The following SETBP1 variants were observed in gnomAD, a reference collection of about 807,000 sequenced individuals.
SETBP1 encodes SET binding protein 1, also known as SET-binding protein.
Under a neutral mutation model 101.0 loss-of-function variants are expected in SETBP1, and 9 were observed. That is an observed-to-expected ratio of 0.09 (90% CI 0.05 to 0.16). SETBP1 has a LOEUF of 0.16. Among genes scored for constraint, SETBP1 ranks in the 10% least tolerant of loss-of-function variants. The probability of loss-of-function intolerance (pLI) is 1.00; values close to 1 mark genes in which losing one functional copy is unlikely to be tolerated. For synonymous variants in SETBP1, 818 were observed against 788.5 expected (o/e 1.04, Z -0.63); for missense variants, 1,858 against 2,033.8 (o/e 0.91, Z 1.66).
intron 4 of SETBP1, among the ~76,000 whole-genome samples, chr18:45,011,571 A>T (rs1480533267): frequency 6.6e-6 from 1 of 152,226 alleles, no homozygotes; most frequent in Admixed American, 6.5e-5. Context: ...CTTGATTTAC[A>T]CACAGGTGTA....
chr18:44,898,326 G>A lies in SETBP1; in HGVS notation c.540+29043G>A, dbSNP rs917072251. 7.9e-5 allele frequency among the ~76,000 whole-genome samples: 12 copies of A among 152,268 alleles called. No homozygotes were observed. In the East Asian group the frequency reaches 2.3e-3, roughly 29 times the overall value. ...TGTACATTGAGGATGTGAATGGCTA[G>A]CCACGTCTCAATTTATGGTACATAG... On this transcript the variant is annotated intron_variant, in intron 3 of 5. Transcript: ENST00000649279.
chr18:44,717,981 G>C (rs1351570244), intron 2 of SETBP1, among the ~76,000 whole-genome samples: 3 of 152,114 alleles, frequency 2.0e-5, no homozygotes, highest in Non-Finnish European at 4.4e-5. Context: ...GTTCATAATA[G>C]TGTGGATTAT....
At chr18:44,996,677 A>C (rs1218165883) in intron 4 of SETBP1, among the ~76,000 whole-genome samples, 1 of 152,206 alleles carries the variant, frequency 6.6e-6, no homozygotes, top group Non-Finnish European at 1.5e-5. Flanking sequence ...AGCAGTAGGT[A>C]CTAGCATTTC....
chr18:44,723,515 A>G (rs1568110158), intron 2 of SETBP1, among the ~76,000 whole-genome samples: 1 of 152,200 alleles, frequency 6.6e-6, no homozygotes, highest in Non-Finnish European at 1.5e-5. Context: ...GGGAAAAAAA[A>G]CAACACCCTT....
intron 2 of SETBP1, among the ~76,000 whole-genome samples, chr18:44,868,685 AGAGAG>A (rs1238417558): frequency 2.3e-5 from 3 of 133,268 alleles, no homozygotes; most frequent in Non-Finnish European, 4.9e-5. Context: ...AGAGAGAGAG[AGAGAG>A]AGAGAGAGGA....
intron 4 of SETBP1, among the ~76,000 whole-genome samples, chr18:44,971,624 C>A (rs2071861876): frequency 6.6e-6 from 1 of 152,186 alleles, no homozygotes; most frequent in Non-Finnish European, 1.5e-5. Context: ...CTCTGATGAC[C>A]AGTGATGACG....
At position 45,041,797 on chromosome 18, in the gene SETBP1, A is replaced by T. The variant is rs77508520; in HGVS notation, c.4171+3142A>T. Among the ~76,000 whole-genome samples the T allele has an allele frequency of 1.8e-4, 28 of 152,122 alleles. No homozygotes were observed. In the East Asian group the frequency reaches 5.3e-3, roughly 29 times the overall value. ...GCCAACATGGTGAAACCTCTACTAA[A>T]AATACAAAAATTAACCAGGTGTGGT... On this transcript the variant is annotated intron_variant, in intron 5 of 5. Transcript: ENST00000649279.
rs2071406565 is a variant in SETBP1, at chr18:44,953,233, G to A, written c.3893G>A (p.Ser1298Asn). The change falls in exon 4 of 6, where the codon AGT becomes AAT. Residue 1298 changes from serine (S) to asparagine (N), a missense_variant. Transcript: ENST00000649279. ...AAGTGGGACAGTGACGTGAGTGGGAGTAAAAGGAGGAGCTATGAAGGCTTT... is the reference window on the plus strand; with the variant it reads ...AAGTGGGACAGTGACGTGAGTGGGAATAAAAGGAGGAGCTATGAAGGCTTT... ...NDKWDSDVSG[S>N]KRRSYEGFGT... is the part of the protein sequence containing the mutation. 6.2e-7 allele frequency: 1 copy of A among 1,614,150 alleles called. No individual in the cohort carries two copies. The highest frequency in any genetic ancestry group is 2.2e-5 in the East Asian group (1 of 44,882).
intron 4 of SETBP1, among the ~76,000 whole-genome samples, chr18:45,030,506 C>T (rs1444677486): frequency 1.4e-5 from 2 of 139,362 alleles, no homozygotes; most frequent in Non-Finnish European, 1.5e-5. Flanking sequence ...GCTTTGGTAT[C>T]AGGATGATGC....
At chr18:45,004,334 C>G (rs967318258) in intron 4 of SETBP1, among the ~76,000 whole-genome samples, 2 of 152,126 alleles carry the variant, frequency 1.3e-5, no homozygotes, top group East Asian at 3.9e-4. Flanking sequence ...TTTTTTACAC[C>G]GATGGTTGGC....
chr18:44,767,274 T>G (rs1425033893), intron 2 of SETBP1, among the ~76,000 whole-genome samples: 1 of 152,202 alleles, frequency 6.6e-6, no homozygotes, highest in African/African-American at 2.4e-5. Context: ...CTTTCCCTTC[T>G]TACTAGTGTG....
rs751209178 is a variant in SETBP1 at position 44,952,283 on chromosome 18, A to G, written c.2943A>G (p.Pro981=). 1.9e-6 allele frequency: 3 copies of G among 1,614,100 alleles called. No homozygotes were observed. In the South Asian group the frequency reaches 3.3e-5, roughly 18 times the overall value. Reference sequence around the variant, plus strand: ...GTTACACCTTCTACCACGAGAATCCATATCCCAGCATTTTTCGGATTAATT... The same window carrying G: ...GTTACACCTTCTACCACGAGAATCCGTATCCCAGCATTTTTCGGATTAATT... ...HRSYTFYHEN[P]YPSIFRINFD... is the part of the protein sequence containing the mutation. The change falls in exon 4 of 6, where the codon CCA becomes CCG. Residue 981 remains proline, a synonymous_variant. Transcript: ENST00000649279.
Position 44,778,751 on chromosome 18 carries a change from G to A in SETBP1, c.486+76919G>A, listed in dbSNP as rs182620945. The stretch of plus-strand genomic sequence containing the variant: ...CTCAGAGGAGGAGTGAGGAGCCTGC[G>A]GAAGGCTTCCATGGAGTGGAGAATT... On this transcript the variant is annotated intron_variant, in intron 2 of 5. Transcript: ENST00000649279. Among the ~76,000 whole-genome samples the A allele has an allele frequency of 2.6e-5, 4 of 152,298 alleles. No homozygotes were observed. In the East Asian group the frequency reaches 5.8e-4, roughly 22 times the overall value.
intron 5 of SETBP1, among the ~76,000 whole-genome samples, chr18:45,060,928 T>C (rs1451890239): frequency 5.9e-5 from 9 of 152,212 alleles, no homozygotes; most frequent in Admixed American, 1.3e-4. Flanking sequence ...TGCCAACTAA[T>C]TGATTTACTT....
intron 2 of SETBP1, among the ~76,000 whole-genome samples, chr18:44,837,206 C>T (rs1441009839): frequency 7.9e-5 from 12 of 152,172 alleles, no homozygotes; most frequent in African/African-American, 2.9e-4. Context: ...TCAGCTGACA[C>T]TGTCCATATA....
At chr18:44,920,733 C>A (rs1187803189) in intron 3 of SETBP1, among the ~76,000 whole-genome samples, 1 of 152,202 alleles carries the variant, frequency 6.6e-6, no homozygotes, top group Admixed American at 6.5e-5. Context: ...TTAGAGCCCT[C>A]AAGAACAACA....
chr18:44,757,216 C>A (rs1164663990), intron 2 of SETBP1, among the ~76,000 whole-genome samples: 2 of 152,154 alleles, frequency 1.3e-5, no homozygotes, highest in East Asian at 3.9e-4. Flanking sequence ...GCCACTCCCC[C>A]TCTGCCCTGA....
intron 3 of SETBP1, among the ~76,000 whole-genome samples, chr18:44,882,204 A>C (rs1205420714): frequency 6.6e-6 from 1 of 152,096 alleles, no homozygotes; most frequent in South Asian, 2.1e-4. Context: ...AGAAACATTC[A>C]TTTTTTGTTT....
chr18:44,794,747 A>AT (rs2071439190), intron 2 of SETBP1, among the ~76,000 whole-genome samples: 1 of 152,176 alleles, frequency 6.6e-6, no homozygotes. Context: ...CTACCTTCAC[A>AT]TACCACTGCA....
Sources: allele counts gnomAD v4.1 joint callset (sites outside exome capture counted in the v4.1 genomes callset), GRCh38; gene constraint gnomAD v4.1.1; transcripts MANE v1.5; gene names NCBI Gene and HGNC (gene_info 2026-07-23, HGNC 2026-07-21).